Variants in ERBIN observed in about 807,000 individuals in gnomAD.
ERBIN encodes erbb2 interacting protein.
ERBIN carries 60 observed loss-of-function variants against 158.4 expected under a neutral mutation model. The observed-to-expected ratio is 0.38, with a 90% CI of 0.31 to 0.47. The LOEUF (loss-of-function observed/expected upper bound fraction) is 0.47, where lower values mean the gene tolerates loss of function less well. Ranked by LOEUF, ERBIN falls within the 20% of genes least tolerant of loss-of-function variation. The pLI, the probability that ERBIN is intolerant of heterozygous loss-of-function variation, is 0.99. For missense variants in ERBIN, 1,610 were observed against 1,648.0 expected, an observed-to-expected ratio of 0.98 and a Z score of 0.40; for synonymous variants, 594 against 557.2, an observed-to-expected ratio of 1.07 and a Z score of -0.93.
intron 20 of ERBIN, among the ~76,000 whole-genome samples, chr5:66,052,087 C>T (rs1389729060): frequency 6.6e-6 from 1 of 151,708 alleles, no homozygotes; most frequent in Admixed American, 6.6e-5. Context: ...GTCCCAGCTA[C>T]TCGAGAGGCC....
intron 1 of ERBIN, among the ~76,000 whole-genome samples, chr5:65,938,402 C>G (rs1371642847): frequency 6.8e-6 from 1 of 146,246 alleles, no homozygotes; most frequent in Non-Finnish European, 1.5e-5. Context: ...GACAGGGTCT[C>G]GCTCTGTCAC....
intron 1 of ERBIN, among the ~76,000 whole-genome samples, chr5:65,946,548 C>T (rs1037306260): frequency 2.6e-5 from 4 of 152,176 alleles, no homozygotes; most frequent in African/African-American, 9.7e-5. Context: ...TGAAGGTCAT[C>T]TGGATTGTTG....
intron 25 of ERBIN, among the ~76,000 whole-genome samples, chr5:66,077,906 G>A (rs534746431): frequency 7.0e-4 from 107 of 151,950 alleles, no homozygotes; most frequent in African/African-American, 2.6e-3. Context: ...TCCATGCCTG[G>A]GCTTTCTCTT....
chr5:65,943,649 A>C (rs911500383), intron 1 of ERBIN, among the ~76,000 whole-genome samples: 4 of 152,152 alleles, frequency 2.6e-5, no homozygotes, highest in Admixed American at 2.0e-4. Context: ...CAATGTTTAA[A>C]ATTTCCCTTC....
intron 15 of ERBIN, among the ~76,000 whole-genome samples, chr5:66,041,491 C>A (rs1268305936): frequency 6.6e-6 from 1 of 152,046 alleles, no homozygotes; most frequent in African/African-American, 2.4e-5. Context: ...CCTGGGTGAT[C>A]AGTTTGAGTA....
intron 21 of ERBIN, chr5:66,069,099 GAA>G (rs893202200): frequency 1.5e-6 from 2 of 1,293,366 alleles, no homozygotes; most frequent in Non-Finnish European, 2.0e-6. Flanking sequence ...ATGTTTCCAG[GAA>G]AAAAAATGTT....
rs1216319283 is a variant in ERBIN at position 66,040,130 on chromosome 5, G to A, written c.1306+1648G>A. Among the ~76,000 whole-genome samples the A allele has an allele frequency of 2.0e-5, 3 of 151,892 alleles. No homozygotes were observed. The South Asian group carries it at 6.2e-4, about 31-fold the overall frequency. ...ACAATGCTAAGCACTTTACGTATCC[G>A]TAACTTCTCATCTTTACAATAATCC... On this transcript the variant is annotated intron_variant, in intron 15 of 25. Coordinates refer to ENST00000284037, the MANE Select transcript of ERBIN (RefSeq NM_001253697.2).
chr5:66,060,563 A>G (rs1300967145), intron 21 of ERBIN, among the ~76,000 whole-genome samples: 1 of 151,604 alleles, frequency 6.6e-6, no homozygotes, highest in East Asian at 1.9e-4. Context: ...GATCTTAGTT[A>G]TTTCTTGTCT....
At position 65,986,426 on chromosome 5, in the gene ERBIN, TTTG is replaced by T. The variant is rs751064072; in HGVS notation, c.-57-2197_-57-2195del. ...CAGCTTTGCTTGCTGTACACACAGCTTTGTTGTTGTTGTTTTTTGTGGCATGCA... is the reference window on the plus strand; with the variant it reads ...CAGCTTTGCTTGCTGTACACACAGCTTTGTTGTTGTTTTTTGTGGCATGCA... On this transcript the variant is annotated intron_variant, in intron 1 of 25. Coordinates refer to ENST00000284037, the MANE Select transcript of ERBIN (RefSeq NM_001253697.2). Among the ~76,000 whole-genome samples, 280 of 152,320 alleles carry T rather than the reference TTTG, an allele frequency of 1.8e-3. 2 individuals carry two copies. Among genetic ancestry groups the T allele is most frequent in the African/African-American group, 6.4e-3 (265 of 41,572 alleles).
chr5:65,989,585 GA>G (rs199955533), intron 2 of ERBIN, among the ~76,000 whole-genome samples: 3 of 150,886 alleles, frequency 2.0e-5, no homozygotes, highest in Non-Finnish European at 4.4e-5. Flanking sequence ...TAGCTCTACA[GA>G]AAAAAAAATC....
Position 66,054,881 on chromosome 5 carries a change from G to A in ERBIN, c.3563G>A (p.Gly1188Glu). 1 of 1,613,718 alleles carries A rather than the reference G, an allele frequency of 6.2e-7. No homozygotes were observed. The highest frequency in any genetic ancestry group is 8.5e-7 in the Non-Finnish European group (1 of 1,179,880). ...GSEHSLLDPP[G>E]KSKVPRDWRE... Reference sequence around the variant, plus strand: ...GAGCATTCTTTATTAGATCCTCCAGGAAAAAGTAAAGTTCCTCGTGACTGG... The same window carrying A: ...GAGCATTCTTTATTAGATCCTCCAGAAAAAAGTAAAGTTCCTCGTGACTGG... The change falls in exon 21 of 26, where the codon GGA becomes GAA. Residue 1188 changes from glycine (G) to glutamate (E), a missense_variant. This residue lies in a region of ERBIN where 1,014 missense variants were observed against 936.1 expected (regional missense o/e 1.08). Transcript: ENST00000284037.
chr5:65,927,275 T>C (rs37235), intron 1 of ERBIN, among the ~76,000 whole-genome samples: 142,953 of 152,204 alleles, frequency 0.94, 67,395 homozygotes, highest in African/African-American at 0.99. Context: ...TTGCGTTAAT[T>C]GTATATAGAG....
intron 21 of ERBIN, among the ~76,000 whole-genome samples, chr5:66,062,105 GGTTA>G (rs1383337604): frequency 6.6e-6 from 1 of 151,672 alleles, no homozygotes; most frequent in Non-Finnish European, 1.5e-5. Flanking sequence ...TGCTAGATTT[GGTTA>G]GTTCTCCTGG....
intron 7 of ERBIN, among the ~76,000 whole-genome samples, chr5:66,018,459 T>TTATATAA (rs1359827902): frequency 8.8e-5 from 1 of 11,356 alleles, no homozygotes; most frequent in Non-Finnish European, 1.7e-4. Flanking sequence ...ATATATTATA[T>TTATATAA]TATATAATAT....
rs1759322103 is a variant in ERBIN at position 66,054,004 on chromosome 5, A to G, written c.2686A>G (p.Ser896Gly). The G allele has an allele frequency of 6.2e-7, 1 of 1,614,066 alleles. No homozygotes were observed. Among genetic ancestry groups the G allele is most frequent in the Non-Finnish European group, 8.5e-7 (1 of 1,180,040 alleles). Residue 896 changes from serine (S) to glycine (G), a missense_variant, in exon 21 of 26, where the codon AGT (serine) becomes GGT (glycine). Physicochemically the swap from Ser to Gly is moderately conservative, Grantham distance 56 (BLOSUM62 0). This residue lies in a region of ERBIN where 1,014 missense variants were observed against 936.1 expected (regional missense o/e 1.08). Coordinates refer to ENST00000284037, the MANE Select transcript of ERBIN (RefSeq NM_001253697.2). ...TAGTGATAATGGACCTCAGCAGCCAAGTACAACCGTTAAAATCACATCTGC... is the reference window on the plus strand; with the variant it reads ...TAGTGATAATGGACCTCAGCAGCCAGGTACAACCGTTAAAATCACATCTGC... The part of the protein sequence containing the change: ...ILSDNGPQQP[S>G]TTVKITSAVD...
At chr5:65,930,835 A>T (rs1580047305) in intron 1 of ERBIN, among the ~76,000 whole-genome samples, 2 of 152,158 alleles carry the variant, frequency 1.3e-5, no homozygotes, top group South Asian at 2.1e-4. Context: ...TTCAAGTTAG[A>T]TGTCTTCTCT....
At chr5:66,016,099 C>T (rs1754687426) in intron 7 of ERBIN, among the ~76,000 whole-genome samples, 1 of 151,988 alleles carries the variant, frequency 6.6e-6, no homozygotes, top group Non-Finnish European at 1.5e-5. Flanking sequence ...GTTTTTTATT[C>T]CAAAAGACAG....
intron 11 of ERBIN, 123 bp from the exon 12 acceptor site, chr5:66,025,725 G>T: frequency 1.1e-6 from 1 of 885,198 alleles, no homozygotes; most frequent in Non-Finnish European, 1.7e-6. Flanking sequence ...GTGAAGTTTA[G>T]CTTTGTGAAA....
At chr5:66,071,735 T>C (rs1761548511) in intron 21 of ERBIN, among the ~76,000 whole-genome samples, 1 of 151,970 alleles carries the variant, frequency 6.6e-6, no homozygotes, top group Non-Finnish European at 1.5e-5. Context: ...TTTTTTTTTT[T>C]TTTTTTACCA....
Sources: gnomAD v4.1 joint callset for allele counts (sites outside exome capture counted in the v4.1 genomes callset) on GRCh38, gnomAD v4.1.1 for gene constraint, gnomAD v4.1.1 regional missense constraint, MANE v1.5 for transcripts, NCBI Gene and HGNC (gene_info 2026-07-23, HGNC 2026-07-21) for gene names.